Variants in CACNA2D1 observed in about 807,000 individuals in gnomAD.
CACNA2D1 encodes the protein calcium voltage-gated channel auxiliary subunit alpha2delta 1, also known as voltage-dependent calcium channel subunit alpha-2/delta-1.
In CACNA2D1, 53 loss-of-function variants were observed where a neutral mutation model predicts 171.5. That is an observed-to-expected ratio of 0.31 (90% CI 0.25 to 0.39). The LOEUF is 0.39. Ranked by LOEUF, CACNA2D1 falls within the 10% of genes least tolerant of loss-of-function variation. The pLI is 1.00. For synonymous variants in CACNA2D1, 442 were observed against 443.1 expected (o/e 1.00, Z 0.03); for missense variants, 903 against 1,299.8 (o/e 0.69, Z 4.69).
At chr7:82,247,202 T>G (rs1464536003) in intron 3 of CACNA2D1, among the ~76,000 whole-genome samples, 1 of 152,100 alleles carries the variant, frequency 6.6e-6, no homozygotes, top group East Asian at 1.9e-4. Context: ...GATGTATGGC[T>G]CTGGAAATGA....
chr7:82,413,463 C>T (rs973678136), intron 1 of CACNA2D1, among the ~76,000 whole-genome samples: 1 of 152,148 alleles, frequency 6.6e-6, no homozygotes, highest in Non-Finnish European at 1.5e-5. Context: ...TGGGGAGCCC[C>T]AGGACAATGG....
intron 26 of CACNA2D1, chr7:81,970,973 G>C (rs1273693495): frequency 4.0e-6 from 2 of 500,076 alleles, no homozygotes; most frequent in East Asian, 7.2e-5. Context: ...AGTATGAATT[G>C]ACAGCAATGA....
intron 3 of CACNA2D1, among the ~76,000 whole-genome samples, chr7:82,175,834 G>C (rs1038580028): frequency 3.3e-5 from 5 of 151,840 alleles, no homozygotes; most frequent in African/African-American, 1.2e-4. Flanking sequence ...GTAAAGTTTT[G>C]CTTCCGTTTG....
intron 38 of CACNA2D1, among the ~76,000 whole-genome samples, chr7:81,951,199 T>TC (rs1299644272): frequency 2.0e-5 from 3 of 152,072 alleles, no homozygotes; most frequent in Non-Finnish European, 4.4e-5. Context: ...TCCCATTAAC[T>TC]CCCCACAGTC....
intron 3 of CACNA2D1, among the ~76,000 whole-genome samples, chr7:82,235,139 T>C (rs983411471): frequency 3.4e-4 from 52 of 152,130 alleles, no homozygotes; most frequent in African/African-American, 1.2e-3. Context: ...GCTTAAATTA[T>C]GTTCTTTTTT....
intron 29 of CACNA2D1, among the ~76,000 whole-genome samples, chr7:81,968,197 G>A (rs1287828881): frequency 6.6e-6 from 1 of 151,340 alleles, no homozygotes; most frequent in Non-Finnish European, 1.5e-5. Flanking sequence ...CGCTGATGGG[G>A]TAAAGCTGTC....
intron 4 of CACNA2D1, among the ~76,000 whole-genome samples, chr7:82,157,715 A>G (rs147997423): frequency 8.3e-4 from 127 of 152,140 alleles, no homozygotes; most frequent in Non-Finnish European, 1.2e-3. Context: ...GAATTTAGCA[A>G]TAGGGCCACA....
intron 1 of CACNA2D1, among the ~76,000 whole-genome samples, chr7:82,392,738 AG>A (rs1213685140): frequency 6.6e-6 from 1 of 152,198 alleles, no homozygotes; most frequent in Non-Finnish European, 1.5e-5. Context: ...GAGAATAGAT[AG>A]TATATGAACA....
rs529022255 is a variant in CACNA2D1, at chr7:82,099,025, T to A, written c.527-14125A>T. Among the ~76,000 whole-genome samples, 7 of 152,332 alleles carry A rather than the reference T, an allele frequency of 4.6e-5. No homozygotes were observed. The East Asian group carries it at 1.4e-3, about 29-fold the overall frequency. Reference sequence around the variant, plus strand: ...TACTCTGATGTAAACATTGATGTTATACTGAAATGAATTTTACCATTCTTC... The same window carrying A: ...TACTCTGATGTAAACATTGATGTTAAACTGAAATGAATTTTACCATTCTTC... On this transcript the variant is annotated intron_variant, in intron 6 of 38. Transcript: ENST00000356860.
chr7:81,951,973 T>TTTTTTTTTTTTTTTGTTG (rs1562762526), intron 38 of CACNA2D1, among the ~76,000 whole-genome samples: 5 of 147,738 alleles, frequency 3.4e-5, no homozygotes, highest in South Asian at 2.2e-4. Context: ...CAAAGTGTTT[T>TTTTTTTTTTTTTTTGTTG]TTTTTTTTTT....
In CACNA2D1 at chr7:82,134,159, T is replaced by C. The variant is rs528109677; in HGVS notation, c.396+2476A>G. On this transcript the variant is annotated intron_variant, in intron 5 of 38. Transcript: ENST00000356860. ...ATGTAACAAAAAACCAACATGCTTA[T>C]AGTAGGGTAAAAGTCATGAATGCCA... Among the ~76,000 whole-genome samples the C allele has an allele frequency of 5.3e-5, 8 of 152,296 alleles. No homozygotes were observed. The South Asian group carries it at 1.7e-3, about 32-fold the overall frequency.
intron 3 of CACNA2D1, among the ~76,000 whole-genome samples, chr7:82,171,395 G>A (rs112630376): frequency 8.6e-5 from 13 of 151,982 alleles, no homozygotes; most frequent in African/African-American, 3.1e-4. Context: ...CCATGTGATA[G>A]GCTTTCATAA....
At chr7:82,123,720 A>G (rs893063839) in intron 5 of CACNA2D1, among the ~76,000 whole-genome samples, 36 of 152,174 alleles carry the variant, frequency 2.4e-4, no homozygotes, top group African/African-American at 8.7e-4. Flanking sequence ...AAGCAGCTTA[A>G]GCTCATTAAA....
chr7:82,026,415 A>G (rs1801922192), intron 12 of CACNA2D1, among the ~76,000 whole-genome samples: 1 of 151,742 alleles, frequency 6.6e-6, no homozygotes, highest in Non-Finnish European at 1.5e-5. Flanking sequence ...TTATTTAAAA[A>G]AAGTTTTTTT....
At chr7:82,010,599 C>T (rs1343104111) in intron 15 of CACNA2D1, among the ~76,000 whole-genome samples, 1 of 152,124 alleles carries the variant, frequency 6.6e-6, no homozygotes, top group Non-Finnish European at 1.5e-5. Context: ...ATTTTGACCA[C>T]AGCTTTGGAT....
intron 3 of CACNA2D1, among the ~76,000 whole-genome samples, chr7:82,301,204 G>A (rs1301080568): frequency 1.3e-5 from 2 of 152,168 alleles, no homozygotes; most frequent in East Asian, 1.9e-4. Context: ...TCAGCTCACC[G>A]CAAACTCTGC....
At chr7:81,999,825 T>C (rs1798406409) in intron 18 of CACNA2D1, among the ~76,000 whole-genome samples, 1 of 152,160 alleles carries the variant, frequency 6.6e-6, no homozygotes, top group South Asian at 2.1e-4. Flanking sequence ...TTAAACTTTA[T>C]AGGAATTATA....
At chr7:82,009,159 C>T (rs1799459288) in intron 15 of CACNA2D1, 1 of 151,982 alleles carries the variant, frequency 6.6e-6, no homozygotes, top group African/African-American at 2.4e-5. Flanking sequence ...TTTTAAGTGG[C>T]TTTCCCCTTC....
intron 1 of CACNA2D1, among the ~76,000 whole-genome samples, chr7:82,386,329 A>G (rs1357707118): frequency 6.6e-6 from 1 of 152,226 alleles, no homozygotes; most frequent in Non-Finnish European, 1.5e-5. Flanking sequence ...ACATCATTAC[A>G]AAGGTCAAAA....
Sources: gnomAD v4.1 joint callset for allele counts (sites outside exome capture counted in the v4.1 genomes callset) on GRCh38, gnomAD v4.1.1 for gene constraint, MANE v1.5 for transcripts, NCBI Gene and HGNC (gene_info 2026-07-23, HGNC 2026-07-21) for gene names.